PTPRD: variants seen among roughly 807,000 people sequenced by gnomAD.
PTPRD encodes receptor-type tyrosine-protein phosphatase delta.
A neutral mutation model predicts 214.5 loss-of-function variants in PTPRD; 34 were observed. The observed-to-expected ratio is 0.16, with a 90% CI of 0.12 to 0.21. PTPRD has a LOEUF of 0.21. Ranked by LOEUF, PTPRD falls within the 10% of genes least tolerant of loss-of-function variation. The pLI, the probability that PTPRD is intolerant of heterozygous loss-of-function variation, is 1.00. For synonymous variants in PTPRD, 1,128 were observed against 845.7 expected (o/e 1.33, Z -5.79); for missense variants, 2,545 against 2,398.7 (o/e 1.06, Z -1.27).
intron 3 of PTPRD, among the ~76,000 whole-genome samples, chr9:10,265,277 T>G (rs2093978780): frequency 6.6e-6 from 1 of 152,146 alleles, no homozygotes; most frequent in Admixed American, 6.5e-5. Context: ...TGAATAAGTC[T>G]GGGCTAGCCT....
intron 3 of PTPRD, among the ~76,000 whole-genome samples, chr9:10,159,724 T>A (rs1592737487): frequency 6.6e-6 from 1 of 151,132 alleles, no homozygotes; most frequent in South Asian, 2.1e-4. Context: ...CAAAAAAAAA[T>A]TATTAGAGGC....
intron 2 of PTPRD, among the ~76,000 whole-genome samples, chr9:10,390,548 A>C (rs373552016): frequency 1.3e-5 from 2 of 151,976 alleles, no homozygotes; most frequent in South Asian, 2.1e-4. Context: ...TGTGAAACCT[A>C]AGATAATCTC....
rs578098853 is a variant in PTPRD at position 10,518,760 on chromosome 9, C to T, written c.-600+93638G>A. 6.8e-4 allele frequency among the ~76,000 whole-genome samples: 104 copies of T among 152,014 alleles called. 2 individuals carry two copies. The East Asian group carries it at 0.019, about 28-fold the overall frequency. On this transcript the variant is annotated intron_variant, in intron 2 of 45. Coordinates refer to ENST00000381196, the MANE Select transcript of PTPRD (RefSeq NM_002839.4). Reference sequence around the variant, plus strand: ...TGTTAGCCAAGATGGTCTTGATCTCCTGACCTCGTGATCTGCCCGCCTTGG... The same window carrying T: ...TGTTAGCCAAGATGGTCTTGATCTCTTGACCTCGTGATCTGCCCGCCTTGG...
intron 5 of PTPRD, among the ~76,000 whole-genome samples, chr9:9,853,540 T>G (rs751353209): frequency 7.3e-5 from 11 of 150,800 alleles, no homozygotes; most frequent in Non-Finnish European, 1.2e-4. Context: ...TTTTTAAGGG[T>G]TTTTTTTGTT....
chr9:9,076,075 G>T (rs373762439), intron 10 of PTPRD, among the ~76,000 whole-genome samples: 1 of 152,104 alleles, frequency 6.6e-6, no homozygotes, highest in Non-Finnish European at 1.5e-5. Context: ...AGCACCTGTT[G>T]TTTCCAGACT....
intron 3 of PTPRD, among the ~76,000 whole-genome samples, chr9:10,137,987 A>G (rs1293836085): frequency 6.6e-6 from 1 of 152,096 alleles, no homozygotes; most frequent in Non-Finnish European, 1.5e-5. Flanking sequence ...AGGAATTAGA[A>G]AATCAAGACC....
chr9:10,449,810 T>C (rs992616402), intron 2 of PTPRD, among the ~76,000 whole-genome samples: 2 of 151,230 alleles, frequency 1.3e-5, no homozygotes, highest in African/African-American at 4.9e-5. Flanking sequence ...AAGGGGGAAA[T>C]GTGGGGAAAA....
At chr9:10,201,787 C>A (rs76964493) in intron 3 of PTPRD, among the ~76,000 whole-genome samples, 1 of 151,968 alleles carries the variant, frequency 6.6e-6, no homozygotes, top group Admixed American at 6.6e-5. Context: ...TATGATTTGT[C>A]AACCATAAAT....
chr9:10,298,029 A>G (rs984461126), intron 3 of PTPRD, among the ~76,000 whole-genome samples: 5 of 152,182 alleles, frequency 3.3e-5, no homozygotes, highest in Non-Finnish European at 7.4e-5. Context: ...GGTTCCCAAG[A>G]GTAACAAAAT....
chr9:9,460,712 C>T (rs1253761505), intron 8 of PTPRD, among the ~76,000 whole-genome samples: 2 of 152,034 alleles, frequency 1.3e-5, no homozygotes, highest in African/African-American at 4.8e-5. Flanking sequence ...AACACTTATA[C>T]ACTGTTGGTG....
At chr9:10,422,130 G>C (rs977004155) in intron 2 of PTPRD, among the ~76,000 whole-genome samples, 1 of 151,958 alleles carries the variant, frequency 6.6e-6, no homozygotes, top group Non-Finnish European at 1.5e-5. Flanking sequence ...CAATGGAACA[G>C]AACAGAGGCC....
At chr9:9,464,983 G>C (rs1001879351) in intron 8 of PTPRD, among the ~76,000 whole-genome samples, 9 of 152,152 alleles carry the variant, frequency 5.9e-5, no homozygotes, top group Non-Finnish European at 1.2e-4. Context: ...GTAAAGTACA[G>C]AATAATTGAA....
At chr9:8,704,438 T>C (rs1230550872) in intron 12 of PTPRD, among the ~76,000 whole-genome samples, 1 of 152,134 alleles carries the variant, frequency 6.6e-6, no homozygotes. Context: ...CTTAAGGTCA[T>C]TAAAAAGAAA....
chr9:8,844,809 A>C (rs1386359652), intron 11 of PTPRD, among the ~76,000 whole-genome samples: 1 of 152,222 alleles, frequency 6.6e-6, no homozygotes, highest in African/African-American at 2.4e-5. Context: ...TAGGCAGCTA[A>C]GGCTCTAACC....
At chr9:10,396,891 C>T (rs1185952263) in intron 2 of PTPRD, among the ~76,000 whole-genome samples, 1 of 151,960 alleles carries the variant, frequency 6.6e-6, no homozygotes, top group Non-Finnish European at 1.5e-5. Context: ...ATAGCTAACA[C>T]TGCAGGCACC....
chr9:10,411,899 C>A (rs1461628854), intron 2 of PTPRD, among the ~76,000 whole-genome samples: 1 of 151,696 alleles, frequency 6.6e-6, no homozygotes. Flanking sequence ...AAAACCATTT[C>A]AAATATTTAT....
intron 8 of PTPRD, among the ~76,000 whole-genome samples, chr9:9,451,072 A>G (rs1281173789): frequency 6.6e-6 from 1 of 151,714 alleles, no homozygotes; most frequent in Non-Finnish European, 1.5e-5. Flanking sequence ...AAGAATAAAA[A>G]AGCAAAAATT....
intron 2 of PTPRD, among the ~76,000 whole-genome samples, chr9:10,514,851 C>T (rs1197033193): frequency 6.6e-6 from 1 of 151,970 alleles, no homozygotes; most frequent in Non-Finnish European, 1.5e-5. Flanking sequence ...TAGAAACATA[C>T]ATGTTTACAT....
chr9:10,568,419 A>C (rs1454810505), intron 2 of PTPRD, among the ~76,000 whole-genome samples: 2 of 152,000 alleles, frequency 1.3e-5, no homozygotes, highest in Admixed American at 6.6e-5. Context: ...TAGTGCCGCA[A>C]TAAACATACG....
Sources: allele counts gnomAD v4.1 joint callset (sites outside exome capture counted in the v4.1 genomes callset), GRCh38; gene constraint gnomAD v4.1.1; transcripts MANE v1.5; gene names NCBI Gene and HGNC (gene_info 2026-07-23, HGNC 2026-07-21).